Variants in SFSWAP observed in about 807,000 individuals in gnomAD.
SFSWAP encodes the protein splicing factor SWAP.
SFSWAP carries 17 observed loss-of-function variants against 100.7 expected under a neutral mutation model. The ratio of observed to expected loss-of-function variants is 0.17; its 90% CI spans 0.12 to 0.25. The LOEUF (loss-of-function observed/expected upper bound fraction) is 0.25, where lower values mean the gene tolerates loss of function less well. Ranked by LOEUF, SFSWAP falls within the 10% of genes least tolerant of loss-of-function variation. The pLI, the probability that SFSWAP is intolerant of heterozygous loss-of-function variation, is 1.00. For synonymous variants in SFSWAP, 504 were observed against 510.1 expected, an observed-to-expected ratio of 0.99 and a Z score of 0.16; for missense variants, 1,005 against 1,262.6, an observed-to-expected ratio of 0.80 and a Z score of 3.09.
chr12:131,780,964 A>G (rs1437907578), intron 14 of SFSWAP, among the ~76,000 whole-genome samples: 1 of 152,112 alleles, frequency 6.6e-6, no homozygotes, highest in Non-Finnish European at 1.5e-5. Context: ...ATTTCCGGGT[A>G]TCCTACCATT....
chr12:131,711,501 C>T lies in SFSWAP; in HGVS notation c.218+54C>T. ...TTCCCTTCCCTCACCCGCTTGATCT[C>T]GTCTGATGTTGACTTGACTGCAAGG... is the stretch of plus-strand genomic sequence containing the variant. On this transcript the variant is annotated intron_variant, in intron 1 of 17. Coordinates refer to ENST00000261674, the MANE Select transcript of SFSWAP (RefSeq NM_004592.4). The surrounding 1 kb of genome is among the most constrained non-coding windows in gnomAD (Gnocchi z 4.9). 4.2e-6 allele frequency: 6 copies of T among 1,441,654 alleles called. No individual in the cohort carries two copies. The South Asian group carries it at 4.6e-5, about 11-fold the overall frequency. The allele number at this position is 1,441,654 out of a possible 1,614,324, so 89.3% of individuals were successfully genotyped here. A position where few individuals can be genotyped will look rare whatever the true frequency, so the allele number is the denominator to read the frequency against.
At position 131,797,289 on chromosome 12, in the gene SFSWAP, C is replaced by T. The variant is rs575624214; in HGVS notation, c.2646C>T (p.Pro882=). 9.9e-5 allele frequency: 159 copies of T among 1,611,700 alleles called. 1 individual carries two copies. In the Admixed American group the frequency reaches 1.0e-3, roughly 10 times the overall value. The change falls in exon 16 of 18, where the codon CCC becomes CCT. Residue 882 remains proline, a synonymous_variant. Transcript: ENST00000261674. Reference sequence around the variant, plus strand: ...AGGCAGCGCCCCGGCCCGCGGCCCCCGCGGCCCACTCGGCGCACTCAGCCA... The same window carrying T: ...AGGCAGCGCCCCGGCCCGCGGCCCCTGCGGCCCACTCGGCGCACTCAGCCA... ...SKQAAPRPAA[P]AAHSAHSASV... is the part of the protein sequence containing the mutation.
At chr12:131,739,702 T>C (rs1048069491) in intron 7 of SFSWAP, among the ~76,000 whole-genome samples, 1 of 151,800 alleles carries the variant, frequency 6.6e-6, no homozygotes, top group African/African-American at 2.4e-5. Flanking sequence ...CCCGCCACCA[T>C]GCCCGATTAA....
rs559807986 is a variant in SFSWAP, at chr12:131,759,809, A to G, written c.1720+3165A>G. 1.2e-4 allele frequency among the ~76,000 whole-genome samples: 19 copies of G among 152,148 alleles called. 1 individual carries two copies. The highest frequency in any genetic ancestry group is 1.2e-3 in the Admixed American group (18 of 15,294). ...AGAGCGAGACTCCGTCTCAAAAAAA[A>G]AAAAAAGAAAAAAGAAAATAGTAAT... On this transcript the variant is annotated intron_variant, in intron 11 of 17. Coordinates refer to ENST00000261674, the MANE Select transcript of SFSWAP (RefSeq NM_004592.4).
rs532705995 is a variant in SFSWAP at position 131,774,092 on chromosome 12, A to C, written c.2143-3973A>C. On this transcript the variant is annotated intron_variant, in intron 13 of 17. Coordinates refer to ENST00000261674, the MANE Select transcript of SFSWAP (RefSeq NM_004592.4). ...GAGCACGAGAGACCGACAGGATGAG[A>C]GCCGCATTTCCGCTGAGACAGTGTG... is the stretch of plus-strand genomic sequence containing the variant. Among the ~76,000 whole-genome samples the C allele has an allele frequency of 1.2e-4, 19 of 152,260 alleles. No homozygotes were observed. In the East Asian group the frequency reaches 3.5e-3, roughly 28 times the overall value.
intron 11 of SFSWAP, among the ~76,000 whole-genome samples, chr12:131,763,206 AG>A (rs1882823496): frequency 6.6e-6 from 1 of 152,204 alleles, no homozygotes; most frequent in Non-Finnish European, 1.5e-5. Flanking sequence ...GACCTCCGCC[AG>A]GGGCCAGCCA....
intron 13 of SFSWAP, among the ~76,000 whole-genome samples, chr12:131,772,073 C>T (rs1883659456): frequency 6.6e-6 from 1 of 152,176 alleles, no homozygotes; most frequent in South Asian, 2.1e-4. Flanking sequence ...TATGCTGCGT[C>T]ATGTTAGCTG....
At chr12:131,726,357 G>C (rs548537054) in intron 5 of SFSWAP, among the ~76,000 whole-genome samples, 2 of 152,130 alleles carry the variant, frequency 1.3e-5, no homozygotes, top group African/African-American at 4.8e-5. Context: ...TCGTGGGCAC[G>C]TGCCACCACG....
At chr12:131,796,635 A>C (rs1461474954) in intron 15 of SFSWAP, 2 of 152,568 alleles carry the variant, frequency 1.3e-5, no homozygotes, top group Non-Finnish European at 2.9e-5. Context: ...AAAAAGGAAG[A>C]AGCAGCACCA....
intron 14 of SFSWAP, chr12:131,783,792 T>TATATA (rs1884672091): frequency 1.2e-5 from 1 of 86,684 alleles, no homozygotes; most frequent in Non-Finnish European, 2.4e-5. Flanking sequence ...AAAAAACATT[T>TATATA]TATATATATA....
At chr12:131,729,549 C>T (rs144472472) in intron 7 of SFSWAP, among the ~76,000 whole-genome samples, 7 of 152,320 alleles carry the variant, frequency 4.6e-5, no homozygotes, top group African/African-American at 1.7e-4. Context: ...TTAACATATG[C>T]ACTGAGAAAT....
rs777857798 is a variant in SFSWAP, at chr12:131,711,428, C to T, written c.199C>T (p.His67Tyr). The T allele has an allele frequency of 9.3e-6, 15 of 1,613,118 alleles. No homozygotes were observed. The highest frequency in any genetic ancestry group is 1.3e-5 in the African/African-American group (1 of 74,944). ...GCACCTCATCCCCTGGATGGGGGACCACAAGATCCTCATCGACAGGTCGGT... is the reference window on the plus strand; with the variant it reads ...GCACCTCATCCCCTGGATGGGGGACTACAAGATCCTCATCGACAGGTCGGT... ...GQHLIPWMGD[H>Y]KILIDRYDGR... The change falls in exon 1 of 18, where the codon CAC becomes TAC. Residue 67 changes from histidine (H) to tyrosine (Y), a missense_variant. Physicochemically the swap from His to Tyr is moderately conservative, Grantham distance 83. Coordinates refer to ENST00000261674, the MANE Select transcript of SFSWAP (RefSeq NM_004592.4). The surrounding 1 kb of genome is among the most constrained non-coding windows in gnomAD (Gnocchi z 4.9).
intron 7 of SFSWAP, among the ~76,000 whole-genome samples, chr12:131,749,287 G>A (rs112008878): frequency 1.8e-4 from 28 of 152,136 alleles, no homozygotes; most frequent in Non-Finnish European, 3.2e-4. Context: ...GGAGAATCCC[G>A]GCATGTCGTG....
rs114211604 is a variant in SFSWAP at position 131,744,713 on chromosome 12, A to G, written c.1082-8410A>G. Among the ~76,000 whole-genome samples the G allele has an allele frequency of 2.1e-3, 321 of 152,312 alleles. 3 individuals carry two copies. Among genetic ancestry groups the G allele is most frequent in the African/African-American group, 7.2e-3 (299 of 41,560 alleles). ...TTTTCAGCAGTACCCCAATTCTGGT[A>G]CCAAATTACTGGATTAGTCCATTTT... is the stretch of plus-strand genomic sequence containing the variant. On this transcript the variant is annotated intron_variant, in intron 7 of 17. Coordinates refer to ENST00000261674, the MANE Select transcript of SFSWAP (RefSeq NM_004592.4).
intron 11 of SFSWAP, among the ~76,000 whole-genome samples, chr12:131,758,324 A>G (rs1488352845): frequency 6.6e-6 from 1 of 152,044 alleles, no homozygotes; most frequent in African/African-American, 2.4e-5. Context: ...AGATGAAACA[A>G]CACACCGAGA....
intron 6 of SFSWAP, 128 bp from the exon 7 acceptor site, chr12:131,728,165 G>A (rs549245728): frequency 9.9e-7 from 1 of 1,005,616 alleles, no homozygotes; most frequent in African/African-American, 1.6e-5. Flanking sequence ...GGACCTCCAT[G>A]GGTGCGTGCA....
At position 131,778,327 on chromosome 12, in the gene SFSWAP, C is replaced by A; in HGVS notation, c.2405C>A (p.Ser802Ter). Residue 802 changes from serine to a stop codon, truncating the protein, a stop_gained, in exon 14 of 18, where the codon TCG becomes TAG. Transcript: ENST00000261674. LOFTEE classifies it high-confidence loss of function. The surrounding 1 kb of genome is among the most constrained non-coding windows in gnomAD (Gnocchi z 4.2). Reference sequence around the variant, plus strand: ...AGTGCCTATCGGACAGTGCGGCGGTCGAGGTGGGTGTGAAGGGGGCAGCAC... The same window carrying A: ...AGTGCCTATCGGACAGTGCGGCGGTAGAGGTGGGTGTGAAGGGGGCAGCAC... Reference protein sequence around the residue: ...LPSAYRTVRRSRSRSRSPRRR... With the variant: ...LPSAYRTVRR 1.2e-6 allele frequency: 2 copies of A among 1,611,426 alleles called. No homozygotes were observed. Among genetic ancestry groups the A allele is most frequent in the South Asian group, 2.2e-5 (2 of 90,934 alleles).
chr12:131,727,088 A>G (rs376079491), intron 6 of SFSWAP, 36 bp downstream of exon 6: 84 of 1,236,740 alleles, frequency 6.8e-5, no homozygotes, highest in Non-Finnish European at 8.7e-5. Context: ...TTTTTATGCC[A>G]CCACAAAACT....
In SFSWAP at chr12:131,713,985, T is replaced by C. The variant is rs1877647660; in HGVS notation, c.219-86T>C. ...TTTAATCGGTAAGTATGTGTGTGTA[T>C]ATATATATACATATATAAAACATCA... is the stretch of plus-strand genomic sequence containing the variant. On this transcript the variant is annotated intron_variant, in intron 1 of 17. Coordinates refer to ENST00000261674, the MANE Select transcript of SFSWAP (RefSeq NM_004592.4). The C allele has an allele frequency of 3.5e-6, 3 of 861,422 alleles. No homozygotes were observed. The South Asian group carries it at 6.1e-5, about 18-fold the overall frequency. 53.4% of individuals were successfully genotyped at this position (861,422 alleles called of 1,614,324 possible).
Sources: allele counts gnomAD v4.1 joint callset (sites outside exome capture counted in the v4.1 genomes callset), GRCh38; gene constraint gnomAD v4.1.1; non-coding constraint Gnocchi (gnomAD v3.1); transcripts MANE v1.5; gene names NCBI Gene and HGNC (gene_info 2026-07-23, HGNC 2026-07-21).